Variants in HNF1B observed in about 807,000 individuals in gnomAD.
The protein encoded by HNF1B is hepatocyte nuclear factor 1-beta.
Under a neutral mutation model 61.7 loss-of-function variants are expected in HNF1B, and 8 were observed. That is an observed-to-expected ratio of 0.13 (90% CI 0.08 to 0.23). HNF1B has a LOEUF of 0.23. Ranked by LOEUF, HNF1B falls within the 10% of genes least tolerant of loss-of-function variation. The pLI, the probability that HNF1B is intolerant of heterozygous loss-of-function variation, is 1.00. For synonymous variants in HNF1B, 314 were observed against 287.7 expected, an observed-to-expected ratio of 1.09 and a Z score of -0.93; for missense variants, 562 against 714.5, an observed-to-expected ratio of 0.79 and a Z score of 2.43.
At chr17:37,713,960 T>G (rs1049254362) in intron 4 of HNF1B, among the ~76,000 whole-genome samples, 3 of 152,192 alleles carry the variant, frequency 2.0e-5, no homozygotes, top group Non-Finnish European at 4.4e-5. Flanking sequence ...TCCTCCTATA[T>G]TTCAAAAACT....
chr17:37,739,911 T>C (rs2147576946), intron 1 of HNF1B, among the ~76,000 whole-genome samples: 1 of 152,168 alleles, frequency 6.6e-6, no homozygotes, highest in South Asian at 2.1e-4. Flanking sequence ...ACCACCACTC[T>C]CTCTTATTAA....
At chr17:37,693,804 T>C (rs1164767057) in intron 8 of HNF1B, among the ~76,000 whole-genome samples, 1 of 152,238 alleles carries the variant, frequency 6.6e-6, no homozygotes, top group Non-Finnish European at 1.5e-5. Flanking sequence ...CCCTTATGAA[T>C]GGCTCAGCGC....
At chr17:37,688,380 A>AACACAC (rs5820230) in intron 8 of HNF1B, among the ~76,000 whole-genome samples, 19,130 of 136,034 alleles carry the variant, frequency 0.14, 1,389 homozygotes, top group Middle Eastern at 0.17. Flanking sequence ...GATCCCCCCA[A>AACACAC]ACACACACAC....
chr17:37,731,604 T>C lies in HNF1B; in HGVS notation c.1036A>G (p.Lys346Glu). The change falls in exon 4 of 9, where the codon AAG becomes GAG. Residue 346 changes from lysine (K) to glutamate (E), a missense_variant. Lys to Glu is a moderately conservative substitution (Grantham distance 56). This residue lies in a region of HNF1B where 211 missense variants were observed against 200.7 expected (regional missense o/e 1.05). Transcript: ENST00000617811. The stretch of plus-strand genomic sequence containing the variant: ...CCCAACCTTTGCTTACCTGACAGCT[T>C]GTTTGGAGGAGAGGAGCTGGGCTGG... ...HHQPSSSPPN[K>E]LSGVRYSQQG... 1 of 1,612,138 alleles carries C rather than the reference T, an allele frequency of 6.2e-7. No homozygotes were observed. Among genetic ancestry groups the C allele is most frequent in the Non-Finnish European group, 8.5e-7 (1 of 1,179,022 alleles).
chr17:37,691,967 CTG>C (rs142670605), intron 8 of HNF1B, among the ~76,000 whole-genome samples: 263 of 152,318 alleles, frequency 1.7e-3, no homozygotes, highest in Non-Finnish European at 3.3e-3. Flanking sequence ...GGAGAGAACA[CTG>C]TGGAAACAGG....
intron 4 of HNF1B, chr17:37,730,288 C>T (rs895354118): frequency 1.3e-5 from 2 of 152,742 alleles, no homozygotes; most frequent in African/African-American, 4.8e-5. Context: ...CCCTCAGAAC[C>T]CTGCTTTGAA....
chr17:37,742,753 C>T (rs867259085), intron 1 of HNF1B, among the ~76,000 whole-genome samples: 5 of 151,398 alleles, frequency 3.3e-5, no homozygotes, highest in East Asian at 2.0e-4. Context: ...CTCCGCCGGC[C>T]GGGCCTGCGG....
intron 4 of HNF1B, among the ~76,000 whole-genome samples, chr17:37,713,236 T>G (rs1238323210): frequency 6.6e-6 from 1 of 152,174 alleles, no homozygotes; most frequent in African/African-American, 2.4e-5. Context: ...CAGTCTCAAG[T>G]CAAACAGTCT....
chr17:37,705,406 C>A (rs978254963), intron 5 of HNF1B, among the ~76,000 whole-genome samples: 2 of 152,186 alleles, frequency 1.3e-5, no homozygotes, highest in Non-Finnish European at 2.9e-5. Context: ...TGATCCCTGC[C>A]CTCATGGTGC....
intron 8 of HNF1B, among the ~76,000 whole-genome samples, chr17:37,688,884 CGCCTGTA>C: frequency 6.6e-6 from 1 of 152,132 alleles, no homozygotes; most frequent in Non-Finnish European, 1.5e-5. Flanking sequence ...CAGTGCCTCA[CGCCTGTA>C]ATCCCAGCAC....
At chr17:37,693,173 G>A (rs1231129275) in intron 8 of HNF1B, among the ~76,000 whole-genome samples, 1 of 122,440 alleles carries the variant, frequency 8.2e-6, no homozygotes, top group Non-Finnish European at 1.6e-5. Context: ...CTGGGTGACA[G>A]AGTGAGATTC....
At chr17:37,736,217 G>A (rs1161915413) in intron 2 of HNF1B, among the ~76,000 whole-genome samples, 1 of 152,236 alleles carries the variant, frequency 6.6e-6, no homozygotes, top group Non-Finnish European at 1.5e-5. Flanking sequence ...CCTCCTCCCC[G>A]TGGGCCCTGT....
chr17:37,726,913 G>A (rs1386183262), intron 4 of HNF1B, among the ~76,000 whole-genome samples: 1 of 152,172 alleles, frequency 6.6e-6, no homozygotes, highest in Admixed American at 6.5e-5. Context: ...TGACACAAGA[G>A]TGAGGACATC....
chr17:37,720,119 C>A (rs2033261404), intron 4 of HNF1B, among the ~76,000 whole-genome samples: 1 of 152,216 alleles, frequency 6.6e-6, no homozygotes, highest in Non-Finnish European at 1.5e-5. Flanking sequence ...CACCAGAGAC[C>A]TAATGGCTGC....
Position 37,731,840 on chromosome 17 carries a change from G to T in HNF1B, c.810-10C>A. ...CTGCAAACATTCTGCCCTGGGAATG[G>T]ATGGAGGGGAGATGGTGAGTGAGGG... On this transcript the variant is annotated splice_polypyrimidine_tract_variant and intron_variant, in intron 3 of 8. Transcript: ENST00000617811. 1 of 1,415,376 alleles carries T rather than the reference G, an allele frequency of 7.1e-7. No homozygotes were observed. The highest frequency in any genetic ancestry group is 9.9e-7 in the Non-Finnish European group (1 of 1,005,488). The allele number at this position is 1,415,376 out of a possible 1,614,324, so 87.7% of individuals were successfully genotyped here.
intron 4 of HNF1B, among the ~76,000 whole-genome samples, chr17:37,724,903 C>CGTGTGTGT (rs34210303): frequency 1.4e-5 from 2 of 145,316 alleles, no homozygotes; most frequent in Non-Finnish European, 3.0e-5. Context: ...TATATGTATG[C>CGTGTGTGT]GTGTGTGTGT....
intron 5 of HNF1B, among the ~76,000 whole-genome samples, chr17:37,705,282 C>A (rs2032706325): frequency 6.8e-6 from 1 of 147,800 alleles, no homozygotes; most frequent in Non-Finnish European, 1.5e-5. Context: ...CCAGCCTGGG[C>A]AACATGGTGA....
intron 3 of HNF1B, among the ~76,000 whole-genome samples, chr17:37,732,152 C>T (rs1185353633): frequency 6.6e-6 from 1 of 152,148 alleles, no homozygotes; most frequent in South Asian, 2.1e-4. Context: ...CCAGATGGGG[C>T]TTCCTTATTT....
intron 2 of HNF1B, among the ~76,000 whole-genome samples, chr17:37,738,595 G>A (rs545489059): frequency 6.6e-6 from 1 of 152,194 alleles, no homozygotes; most frequent in African/African-American, 2.4e-5. Context: ...AAAGTGTAAT[G>A]TCAAAGAATA....
Sources: gnomAD v4.1 joint callset for allele counts (sites outside exome capture counted in the v4.1 genomes callset) on GRCh38, gnomAD v4.1.1 for gene constraint, gnomAD v4.1.1 regional missense constraint, MANE v1.5 for transcripts, NCBI Gene and HGNC (gene_info 2026-07-23, HGNC 2026-07-21) for gene names.